TENM2: variants seen among roughly 807,000 people sequenced by gnomAD.
The protein encoded by TENM2 is teneurin-2.
TENM2 carries 52 observed loss-of-function variants against 245.2 expected under a neutral mutation model. The ratio of observed to expected loss-of-function variants is 0.21; its 90% CI spans 0.17 to 0.27. The LOEUF (loss-of-function observed/expected upper bound fraction) is 0.27. TENM2 is among the 10% of genes least tolerant of loss of function. The pLI is 1.00. For missense variants in TENM2, 3,046 were observed against 3,666.8 expected, an observed-to-expected ratio of 0.83 and a Z score of 4.37; for synonymous variants, 1,363 against 1,438.9, an observed-to-expected ratio of 0.95 and a Z score of 1.19.
Position 167,952,458 on chromosome 5 carries a change from C to A in TENM2, c.713-130C>A, listed in dbSNP as rs971709645. On this transcript the variant is annotated intron_variant, in intron 3 of 28. Coordinates refer to ENST00000518659, the Ensembl canonical transcript of TENM2. ...GGATGCCTGCCGCAGTCTTATCTGT[C>A]GCTCTAGCTTGCAGCTTTCAGCAAT... is the stretch of plus-strand genomic sequence containing the variant. 4 of 725,590 alleles carry A rather than the reference C, an allele frequency of 5.5e-6. No individual in the cohort carries two copies. In the East Asian group the frequency reaches 8.1e-5, roughly 15 times the overall value. The allele number at this position is 725,590 out of a possible 1,614,324, so 44.9% of individuals were successfully genotyped here. A position where few individuals can be genotyped will look rare whatever the true frequency, so the allele number is the denominator to read the frequency against.
chr5:167,563,967 A>T (rs545852207), intron 2 of TENM2, among the ~76,000 whole-genome samples: 102 of 152,312 alleles, frequency 6.7e-4, no homozygotes, highest in African/African-American at 2.4e-3. Context: ...TTCATGTCTC[A>T]GAATGTATCC....
intron 2 of TENM2, among the ~76,000 whole-genome samples, chr5:167,760,770 C>T (rs1032060469): frequency 6.6e-6 from 1 of 152,220 alleles, no homozygotes; most frequent in African/African-American, 2.4e-5. Context: ...TCTCCTGCCT[C>T]AGCCTCCTGA....
At chr5:167,983,555 G>T (rs1252980914) in intron 4 of TENM2, among the ~76,000 whole-genome samples, 1 of 152,170 alleles carries the variant, frequency 6.6e-6, no homozygotes, top group African/African-American at 2.4e-5. Context: ...GTTCAGGGAT[G>T]AGAAACCTTG....
intron 2 of TENM2, among the ~76,000 whole-genome samples, chr5:167,392,496 C>G (rs1761814937): frequency 6.6e-6 from 1 of 152,112 alleles, no homozygotes; most frequent in Admixed American, 6.5e-5. Flanking sequence ...TAAAGTGGGA[C>G]AGCGGTTTTC....
At chr5:168,215,249 A>T (rs1173144178) in exon 21 of TENM2, 4 of 1,613,900 alleles carry the variant, frequency 2.5e-6, no homozygotes, top group Non-Finnish European at 3.4e-6. Context: ...AAGGCCATAG[A>T]TGCAACCCTG....
At chr5:167,831,851 G>A (rs1186896606) in intron 2 of TENM2, among the ~76,000 whole-genome samples, 1 of 152,114 alleles carries the variant, frequency 6.6e-6, no homozygotes, top group Non-Finnish European at 1.5e-5. Flanking sequence ...TTCCTGGACT[G>A]CAGTGAAAAT....
chr5:167,695,042 A>G (rs935322831), intron 2 of TENM2, among the ~76,000 whole-genome samples: 1 of 152,180 alleles, frequency 6.6e-6, no homozygotes, highest in Admixed American at 6.5e-5. Flanking sequence ...AATGGGGTAA[A>G]TATGTCTCTG....
intron 2 of TENM2, chr5:167,755,229 C>A: frequency 6.6e-7 from 1 of 1,509,952 alleles, no homozygotes; most frequent in Non-Finnish European, 9.1e-7. Flanking sequence ...TGGGGTTTTG[C>A]AAGCACCTGT....
chr5:167,872,546 A>AAGAAAGAAAGAAAG (rs1561881684), intron 2 of TENM2, among the ~76,000 whole-genome samples: 1 of 113,726 alleles, frequency 8.8e-6, no homozygotes, highest in African/African-American at 4.1e-5. Flanking sequence ...GAAAGAAAGA[A>AAGAAAGAAAGAAAG]AGAGAAAGAA....
At chr5:167,535,698 A>T (rs940116015) in intron 2 of TENM2, among the ~76,000 whole-genome samples, 1 of 152,208 alleles carries the variant, frequency 6.6e-6, no homozygotes, top group Non-Finnish European at 1.5e-5. Context: ...CAGCATCAAG[A>T]TGTCATTCCC....
In TENM2 at chr5:167,522,287, C is replaced by A. The variant is rs76324145; in HGVS notation, c.502+146814C>A. Among the ~76,000 whole-genome samples the A allele has an allele frequency of 7.7e-3, 1,165 of 152,258 alleles. 20 individuals are homozygous for A. The highest frequency in any genetic ancestry group is 0.027 in the African/African-American group (1,117 of 41,572). ...TTGATAGATTCAGGGCATGACAATACTACCCTTGAACAAAAATGGCACTTT... is the reference window on the plus strand; with the variant it reads ...TTGATAGATTCAGGGCATGACAATAATACCCTTGAACAAAAATGGCACTTT... On this transcript the variant is annotated intron_variant, in intron 2 of 28. Transcript: ENST00000518659.
Position 167,875,907 on chromosome 5 carries a change from G to A in TENM2, c.503-79G>A, listed in dbSNP as rs1773381497. 4.6e-6 allele frequency: 4 copies of A among 863,030 alleles called. No individual in the cohort carries two copies. In the South Asian group the frequency reaches 6.3e-5, roughly 14 times the overall value. The allele number at this position is 863,030 out of a possible 1,614,324, so 53.5% of individuals were successfully genotyped here. On this transcript the variant is annotated intron_variant, in intron 2 of 28. Coordinates refer to ENST00000518659, the Ensembl canonical transcript of TENM2. ...TTTTTTTTTAATATTTATATTGTGA[G>A]CTGGTTTCAATGTAACTTTCTTGGG...
the TENM2 span, among the ~76,000 whole-genome samples, chr5:166,982,090 C>G: frequency 5.3e-5 from 8 of 152,184 alleles, no homozygotes; most frequent in African/African-American, 1.9e-4. Flanking sequence ...GATAGCCTTG[C>G]TGGTAACTTA....
intron 12 of TENM2, among the ~76,000 whole-genome samples, chr5:168,135,411 A>T (rs1754960967): frequency 1.3e-5 from 2 of 152,204 alleles, no homozygotes; most frequent in Non-Finnish European, 2.9e-5. Context: ...CTTCTTTAAA[A>T]GCTTGCTGTT....
intron 4 of TENM2, among the ~76,000 whole-genome samples, chr5:167,958,758 T>A (rs1297540777): frequency 6.6e-6 from 1 of 152,240 alleles, no homozygotes; most frequent in Non-Finnish European, 1.5e-5. Flanking sequence ...TGACTGGATA[T>A]GAAATTCTGG....
chr5:168,009,677 T>A (rs1385971115), intron 5 of TENM2, among the ~76,000 whole-genome samples: 1 of 152,226 alleles, frequency 6.6e-6, no homozygotes, highest in Non-Finnish European at 1.5e-5. Flanking sequence ...CAAAGTAATC[T>A]AGGCCCCAAA....
the TENM2 span, among the ~76,000 whole-genome samples, chr5:167,085,959 A>G: frequency 6.6e-6 from 1 of 152,316 alleles, no homozygotes; most frequent in Non-Finnish European, 1.5e-5. Flanking sequence ...ATATGCTACC[A>G]AGGATACAAC....
chr5:167,681,689 C>G (rs1469322015), intron 2 of TENM2, among the ~76,000 whole-genome samples: 1 of 151,972 alleles, frequency 6.6e-6, no homozygotes, highest in African/African-American at 2.4e-5. Flanking sequence ...ATAATACATA[C>G]AAATATATGT....
chr5:167,465,724 C>T (rs1417979933), intron 2 of TENM2, among the ~76,000 whole-genome samples: 1 of 151,904 alleles, frequency 6.6e-6, no homozygotes, highest in African/African-American at 2.4e-5. Context: ...CCAGCTACTC[C>T]GGAGGCTGAG....
Sources: gnomAD v4.1 joint callset for allele counts (sites outside exome capture counted in the v4.1 genomes callset) on GRCh38, gnomAD v4.1.1 for gene constraint, MANE v1.5 for transcripts, NCBI Gene and HGNC (gene_info 2026-07-23, HGNC 2026-07-21) for gene names.